Variants in RELCH observed in about 807,000 individuals in gnomAD.
The protein encoded by RELCH is RAB11-binding protein RELCH.
Under a neutral mutation model 150.3 loss-of-function variants are expected in RELCH, and 41 were observed. That is an observed-to-expected ratio of 0.27 (90% confidence interval 0.21 to 0.35). The LOEUF (loss-of-function observed/expected upper bound fraction) is 0.35, where lower values mean the gene tolerates loss of function less well. Among genes scored for constraint, RELCH ranks in the 10% least tolerant of loss-of-function variants. RELCH has a pLI of 1.00. For synonymous variants in RELCH, 478 were observed against 531.8 expected, an observed-to-expected ratio of 0.90 and a Z score of 1.39; for missense variants, 1,092 against 1,467.8, an observed-to-expected ratio of 0.74 and a Z score of 4.18.
At position 62,193,053 on chromosome 18, in the gene RELCH, G is replaced by C. The variant is rs140034857; in HGVS notation, c.526+5022G>C. Among the ~76,000 whole-genome samples, 364 of 152,208 alleles carry C rather than the reference G, an allele frequency of 2.4e-3. 4 individuals are homozygous for C. Among genetic ancestry groups the C allele is most frequent in the South Asian group, 9.1e-3 (44 of 4,812 alleles). On this transcript the variant is annotated intron_variant, in intron 1 of 28. Transcript: ENST00000644646. ...TGTTCTCTCTATTTCCTTTAACAGT[G>C]GTTTGTAGTTCTCCTTGAAGAGGTG...
At chr18:62,227,170 C>T in intron 5 of RELCH, 119 bp from the exon 6 acceptor site, 1 of 684,878 alleles carries the variant, frequency 1.5e-6, no homozygotes, top group Non-Finnish European at 2.4e-6. Flanking sequence ...GTACTCCAGC[C>T]TGCATGACAC....
intron 1 of RELCH, among the ~76,000 whole-genome samples, chr18:62,197,843 A>AT (rs1372223387): frequency 6.6e-6 from 1 of 152,226 alleles, no homozygotes; most frequent in African/African-American, 2.4e-5. Flanking sequence ...CTGTGGAAAC[A>AT]TTTTGACTGA....
chr18:62,299,628 T>C (rs997633802), intron 28 of RELCH, among the ~76,000 whole-genome samples: 1 of 152,190 alleles, frequency 6.6e-6, no homozygotes, highest in South Asian at 2.1e-4. Context: ...GTCTTCTCCA[T>C]ATATATCCAT....
At position 62,187,785 on chromosome 18, in the gene RELCH, A is replaced by G. The variant is rs1475312694; in HGVS notation, c.280A>G (p.Ile94Val). 8.7e-6 allele frequency: 14 copies of G among 1,605,712 alleles called. No homozygotes were observed. Among genetic ancestry groups the G allele is most frequent in the Admixed American group, 1.7e-5 (1 of 58,168 alleles). ...CGGGGAGACCCCGGCCCGATTATCA[A>G]TTGATGCGATCGCTGCTCAGCTGTT... ...GTGETPARLS[I>V]DAIAAQLLRD... Residue 94 changes from isoleucine to valine, a missense_variant, in exon 1 of 29, where the codon ATT (isoleucine) becomes GTT (valine). Physicochemically the swap from Ile to Val is conservative, Grantham distance 29 (BLOSUM62 3). Transcript: ENST00000644646.
chr18:62,258,782 A>T (rs999890086), intron 15 of RELCH, 106 bp downstream of exon 15: 3 of 626,662 alleles, frequency 4.8e-6, no homozygotes, highest in Non-Finnish European at 7.8e-6. Context: ...CCTTAGCTTA[A>T]CATACTAATA....
intron 1 of RELCH, among the ~76,000 whole-genome samples, chr18:62,192,340 T>G (rs2038708628): frequency 6.6e-6 from 1 of 152,222 alleles, no homozygotes; most frequent in Admixed American, 6.5e-5. Context: ...TTCTGTAGGT[T>G]GTCTGTTCAC....
At chr18:62,240,651 A>G (rs1205129056) in intron 10 of RELCH, among the ~76,000 whole-genome samples, 5 of 151,994 alleles carry the variant, frequency 3.3e-5, no homozygotes. Flanking sequence ...TCTTCTATTA[A>G]TGAATTCTAA....
At chr18:62,208,373 A>T (rs1431636590) in intron 1 of RELCH, among the ~76,000 whole-genome samples, 12 of 143,114 alleles carry the variant, frequency 8.4e-5, no homozygotes, top group Non-Finnish European at 3.1e-5. Flanking sequence ...AAAAAAAAAA[A>T]TTTAATTCTG....
intron 28 of RELCH, among the ~76,000 whole-genome samples, chr18:62,301,692 C>G (rs925552618): frequency 1.3e-5 from 2 of 152,084 alleles, no homozygotes; most frequent in African/African-American, 4.8e-5. Context: ...GCTAATGCTG[C>G]AGGTCTAGGA....
intron 20 of RELCH, chr18:62,269,361 T>C (rs2043764271): frequency 1.4e-5 from 6 of 414,222 alleles, no homozygotes; most frequent in Non-Finnish European, 2.8e-5. Context: ...ATCCCTTATC[T>C]CAAATGCTTA....
chr18:62,230,466 A>AAGT (rs1230063808), intron 8 of RELCH, among the ~76,000 whole-genome samples: 1 of 152,090 alleles, frequency 6.6e-6, no homozygotes, highest in Non-Finnish European at 1.5e-5. Flanking sequence ...GTGTATACTA[A>AAGT]ATAAGCTTTA....
intron 10 of RELCH, among the ~76,000 whole-genome samples, chr18:62,236,090 T>A (rs2041864946): frequency 6.6e-6 from 1 of 151,986 alleles, no homozygotes; most frequent in Non-Finnish European, 1.5e-5. Context: ...GCTATAGAAT[T>A]TTTATAAATG....
intron 20 of RELCH, among the ~76,000 whole-genome samples, chr18:62,273,089 C>A (rs2043997856): frequency 6.6e-6 from 1 of 150,728 alleles, no homozygotes; most frequent in South Asian, 2.1e-4. Context: ...TCTATTGATA[C>A]ATTCAGAAGC....
intron 1 of RELCH, among the ~76,000 whole-genome samples, chr18:62,188,285 T>C (rs1047578268): frequency 6.6e-6 from 1 of 152,230 alleles, no homozygotes; most frequent in African/African-American, 2.4e-5. Flanking sequence ...CTATAAAATA[T>C]CAAGAGTTTC....
chr18:62,250,005 G>A (rs1010577361), intron 11 of RELCH, among the ~76,000 whole-genome samples: 2 of 151,898 alleles, frequency 1.3e-5, no homozygotes, highest in Non-Finnish European at 2.9e-5. Flanking sequence ...TTCTTTTCTA[G>A]CAACCATAAT....
intron 10 of RELCH, among the ~76,000 whole-genome samples, chr18:62,240,453 G>A (rs1181092541): frequency 4.2e-5 from 6 of 142,456 alleles, no homozygotes; most frequent in African/African-American, 7.9e-5. Flanking sequence ...CTGTCACCCA[G>A]GCTGGAGTAC....
rs1348394053 is a variant in RELCH, at chr18:62,227,649, G to A, written c.1114G>A (p.Glu372Lys). The A allele has an allele frequency of 1.3e-6, 2 of 1,567,768 alleles. No homozygotes were observed. Among genetic ancestry groups the A allele is most frequent in the South Asian group, 1.1e-5 (1 of 88,896 alleles). ...LEDKISLLNS[E>K]KWSLMEQIRR... ...AGATAAAATTAGTTTGTTAAATAGT[G>A]AGAAATGGTCATTGATGGAGCAAAT... is the stretch of plus-strand genomic sequence containing the variant. The change falls in exon 7 of 29, where the codon GAG becomes AAG. Residue 372 changes from glutamate to lysine, a missense_variant. Transcript: ENST00000644646.
intron 8 of RELCH, among the ~76,000 whole-genome samples, chr18:62,230,981 A>C (rs745429575): frequency 6.6e-6 from 1 of 152,096 alleles, no homozygotes; most frequent in Non-Finnish European, 1.5e-5. Flanking sequence ...TACTGCAAGA[A>C]CACCAGTTAC....
intron 21 of RELCH, 21 bp downstream of exon 21, chr18:62,274,107 G>C: frequency 6.6e-7 from 1 of 1,525,578 alleles, no homozygotes; most frequent in Non-Finnish European, 9.1e-7. Context: ...ACAGCTTATA[G>C]TTTGCTAAAA....
Sources: allele counts gnomAD v4.1 joint callset (sites outside exome capture counted in the v4.1 genomes callset), GRCh38; gene constraint gnomAD v4.1.1; transcripts MANE v1.5; gene names NCBI Gene and HGNC (gene_info 2026-07-23, HGNC 2026-07-21).